Variants in SIDT2 observed in about 807,000 individuals in gnomAD.
The protein encoded by SIDT2 is SID1 transmembrane family, member 2.
In SIDT2, 68 loss-of-function variants were observed where a neutral mutation model predicts 114.4. The observed-to-expected ratio is 0.59, with a 90% CI of 0.49 to 0.73. SIDT2 has a LOEUF of 0.73. Ranked by LOEUF, SIDT2 falls within the 30% of genes least tolerant of loss-of-function variation. SIDT2 has a pLI of 0.00. For missense variants in SIDT2, 918 were observed against 1,097.1 expected, an observed-to-expected ratio of 0.84 and a Z score of 2.31; for synonymous variants, 470 against 438.4, an observed-to-expected ratio of 1.07 and a Z score of -0.90.
rs764626768 is a variant in SIDT2, at chr11:117,192,605, G to T, written c.2013G>T (p.Val671=). Residue 671 remains valine (V), a synonymous_variant, in exon 21 of 26, where the codon GTG becomes GTT. Coordinates refer to ENST00000324225, the MANE Select transcript of SIDT2 (RefSeq NM_001040455.2). This position sits in a 1 kb window ranked among gnomAD's most constrained non-coding sequence, Gnocchi z 5.9. ...DSGIFRRILH[V]LYTDCIRQCS... ...GGATCTTCCGCCGCATCCTCCACGT[G>T]CTCTACACAGACTGCATCCGGCAGT... 3 of 1,611,292 alleles carry T rather than the reference G, an allele frequency of 1.9e-6. No homozygotes were observed. The highest frequency in any genetic ancestry group is 1.7e-6 in the Non-Finnish European group (2 of 1,180,024).
chr11:117,179,477 G>T lies in SIDT2; in HGVS notation c.183+31G>T, dbSNP rs748915122. On this transcript the variant is annotated intron_variant, in intron 1 of 25. Coordinates refer to ENST00000324225, the MANE Select transcript of SIDT2 (RefSeq NM_001040455.2). ...GGCTGGGGGCTTAGGGGCCAGAGGC[G>T]AGTGGGGAAGCCGACGAGGGCTAGG... The T allele has an allele frequency of 3.1e-6, 5 of 1,593,364 alleles. No individual in the cohort carries two copies. The Admixed American group carries it at 5.2e-5, about 16-fold the overall frequency.
chr11:117,181,688 T>C (rs2030291936), intron 2 of SIDT2, 119 bp from the exon 3 acceptor site: 1 of 1,572,322 alleles, frequency 6.4e-7, no homozygotes, highest in African/African-American at 1.3e-5. Context: ...AGCCGGGAGC[T>C]TGTGCACCTC....
chr11:117,191,785 G>C lies in SIDT2; in HGVS notation c.1736-93G>C. 3.9e-6 allele frequency: 6 copies of C among 1,533,242 alleles called. No homozygotes were observed. The South Asian group carries it at 7.5e-5, about 19-fold the overall frequency. The allele number at this position is 1,533,242 out of a possible 1,614,324, so 95.0% of individuals were successfully genotyped here. On this transcript the variant is annotated intron_variant, in intron 18 of 25. Transcript: ENST00000324225. The stretch of plus-strand genomic sequence containing the variant: ...ACCATGGCCGTGGTGGGGCACCAGG[G>C]CTCTCTCTTCCTCTGGGATTGTTGG...
intron 15 of SIDT2, 79 bp from the exon 16 acceptor site, chr11:117,189,873 C>G: frequency 6.9e-7 from 1 of 1,456,844 alleles, no homozygotes; most frequent in Non-Finnish European, 9.6e-7. Context: ...TGTTTTTTGC[C>G]AAAGGGGCCC....
rs1233161298 is a variant in SIDT2 at position 117,186,140 on chromosome 11, C to T, written c.879C>T (p.Tyr293=). 7.4e-6 allele frequency: 12 copies of T among 1,613,820 alleles called. No homozygotes were observed. The highest frequency in any genetic ancestry group is 2.7e-5 in the African/African-American group (2 of 74,872). ...GTTTCCTCCTTGAAGCTGAGGCATA[C>T]GTCAGTGGGATGCTCTTTTGCCTGG... ...LVSQAVTSEA[Y]VSGMLFCLGI... The change falls in exon 9 of 26, where the codon TAC becomes TAT. Residue 293 remains tyrosine (Y), a synonymous_variant. Coordinates refer to ENST00000324225, the MANE Select transcript of SIDT2 (RefSeq NM_001040455.2).
chr11:117,186,109 C>T (rs1219331058), intron 8 of SIDT2, 21 bp from the exon 9 acceptor site: 5 of 1,611,010 alleles, frequency 3.1e-6, no homozygotes, highest in East Asian at 2.2e-5. Context: ...ACCTGTCCAC[C>T]TTCCTGTTTC....
intron 23 of SIDT2, 89 bp downstream of exon 23, chr11:117,193,347 G>A: frequency 1.7e-6 from 2 of 1,151,610 alleles, no homozygotes; most frequent in South Asian, 1.4e-5. Flanking sequence ...GCAGTGAGAA[G>A]TTTTCTGTCC....
Position 117,182,082 on chromosome 11 carries a change from A to G in SIDT2, c.493A>G (p.Asn165Asp). 6.2e-7 allele frequency: 1 copy of G among 1,614,068 alleles called. No homozygotes were observed. The highest frequency in any genetic ancestry group is 1.3e-5 in the African/African-American group (1 of 75,032). ...VLRTGEQFSF[N>D]TTAAQPQYFK... ...CAGGACTGGGGAGCAGTTCAGCTTCAATACCACAGCAGCACAGCCCCAGGT... is the reference window on the plus strand; with the variant it reads ...CAGGACTGGGGAGCAGTTCAGCTTCGATACCACAGCAGCACAGCCCCAGGT... The change falls in exon 4 of 26, where the codon AAT becomes GAT. Residue 165 changes from asparagine to aspartate, a missense_variant. Transcript: ENST00000324225.
rs2030161311 is a variant in SIDT2 at position 117,179,232 on chromosome 11, A to ACCG, written c.-30_-29insGCC. The ACCG allele has an allele frequency of 6.3e-7, 1 of 1,595,614 alleles. No individual in the cohort carries two copies. The highest frequency in any genetic ancestry group is 1.4e-5 in the African/African-American group (1 of 73,822). Reference sequence around the variant, plus strand: ...GTCTCCTGTCGCCGCCGCCGCCGCCACCACCGCTGCCACTGCCGCCCTGCC... The same window carrying ACCG: ...GTCTCCTGTCGCCGCCGCCGCCGCCACCGCCACCGCTGCCACTGCCGCCCTGCC... On this transcript the variant is annotated 5_prime_UTR_variant, in exon 1 of 26. Coordinates refer to ENST00000324225, the MANE Select transcript of SIDT2 (RefSeq NM_001040455.2).
In SIDT2 at chr11:117,192,319, G is replaced by T; in HGVS notation, c.1938G>T (p.Leu646=). ...CCATCATTCACATCATCGCCACCCT[G>T]CTCCTCAGCACGCAGCTCTATTACA... ...VFSIIHIIAT[L]LLSTQLYYMG... Residue 646 remains leucine, a synonymous_variant, in exon 20 of 26, where the codon CTG becomes CTT. Coordinates refer to ENST00000324225, the MANE Select transcript of SIDT2 (RefSeq NM_001040455.2). This position sits in a 1 kb window ranked among gnomAD's most constrained non-coding sequence, Gnocchi z 5.9. 6.2e-7 allele frequency: 1 copy of T among 1,612,132 alleles called. No homozygotes were observed. The highest frequency in any genetic ancestry group is 8.5e-7 in the Non-Finnish European group (1 of 1,178,370).
chr11:117,194,590 G>C (rs973418540), intron 24 of SIDT2, among the ~76,000 whole-genome samples: 4 of 152,178 alleles, frequency 2.6e-5, no homozygotes, highest in African/African-American at 9.7e-5. Context: ...AGTCTGACAT[G>C]GTCTCTGAGG....
At chr11:117,189,795 A>G in intron 15 of SIDT2, 157 bp from the exon 16 acceptor site, 2 of 675,532 alleles carry the variant, frequency 3.0e-6, no homozygotes, top group East Asian at 2.7e-5. Context: ...CATGGCATCC[A>G]TGTTCTCAGA....
rs1279082091 is a variant in SIDT2, at chr11:117,192,394, A to C, written c.1981+32A>C. On this transcript the variant is annotated intron_variant, in intron 20 of 25. Transcript: ENST00000324225. The surrounding 1 kb of genome is among the most constrained non-coding windows in gnomAD (Gnocchi z 5.9). ...GCACGCCCGGGGCAGGGCCTGGGGG[A>C]GGGGTCTGGGGGGCCTTGGGAACCC... is the stretch of plus-strand genomic sequence containing the variant. 1 of 1,470,154 alleles carries C rather than the reference A, an allele frequency of 6.8e-7. No homozygotes were observed. Among genetic ancestry groups the C allele is most frequent in the Admixed American group, 1.7e-5 (1 of 59,742 alleles). The allele number at this position is 1,470,154 out of a possible 1,614,324, so 91.1% of individuals were successfully genotyped here. A position where few individuals can be genotyped will look rare whatever the true frequency, so the allele number is the denominator to read the frequency against.
rs2030162206 is a variant in SIDT2, at chr11:117,179,244, A to ACTGCCGCC, written c.-13_-6dup. On this transcript the variant is annotated 5_prime_UTR_variant, in exon 1 of 26. Transcript: ENST00000324225. The stretch of plus-strand genomic sequence containing the variant: ...CGCCGCCGCCGCCACCACCGCTGCC[A>ACTGCCGCC]CTGCCGCCCTGCCGGGGCCATGTTC... 6.2e-7 allele frequency: 1 copy of ACTGCCGCC among 1,601,616 alleles called. No homozygotes were observed. The highest frequency in any genetic ancestry group is 8.5e-7 in the Non-Finnish European group (1 of 1,174,722).
rs2030125284 is a variant in SIDT2, at chr11:117,178,759, GA to G, written c.-504del. ...TCACTTTTCAGTGTTCGTGCGTCGG[GA>G]CGGCGCGTCCGCCCGCCCTTAAAGG... On this transcript the variant is annotated 5_prime_UTR_variant, in exon 1 of 26. Transcript: ENST00000324225. 1 of 156,626 alleles carries G rather than the reference GA, an allele frequency of 6.4e-6. No homozygotes were observed. The highest frequency in any genetic ancestry group is 1.4e-5 in the Non-Finnish European group (1 of 70,612). The allele number at this position is 156,626 out of a possible 1,614,324, so 9.7% of individuals were successfully genotyped here. A position where few individuals can be genotyped will look rare whatever the true frequency, so the allele number is the denominator to read the frequency against.
chr11:117,187,988 A>G (rs559722572), intron 12 of SIDT2: 4 of 629,364 alleles, frequency 6.4e-6, no homozygotes, highest in Non-Finnish European at 1.2e-5. Context: ...CTGTTTTGCC[A>G]ATCAGTGCCT....
At position 117,188,505 on chromosome 11, in the gene SIDT2, A is replaced by C. The variant is rs1412669436; in HGVS notation, c.1160-203A>C. The C allele has an allele frequency of 3.4e-6, 2 of 595,098 alleles. No individual in the cohort carries two copies. Among genetic ancestry groups the C allele is most frequent in the Non-Finnish European group, 6.0e-6 (2 of 331,494 alleles). 36.9% of individuals were successfully genotyped at this position (595,098 alleles called of 1,614,324 possible). ...GCCCCTGTGTGGTGGCCTCTTCTAG[A>C]GTCTACCATCATCCCCCAGGACTTA... On this transcript the variant is annotated intron_variant, in intron 12 of 25. Coordinates refer to ENST00000324225, the MANE Select transcript of SIDT2 (RefSeq NM_001040455.2). The surrounding 1 kb of genome is among the most constrained non-coding windows in gnomAD (Gnocchi z 4.0).
chr11:117,181,673 C>T (rs955218401), intron 2 of SIDT2, 134 bp from the exon 3 acceptor site: 18 of 1,566,982 alleles, frequency 1.1e-5, no homozygotes, highest in Non-Finnish European at 1.6e-5. Context: ...GGGCCGAGTC[C>T]CACCAGCCGG....
At chr11:117,186,047 G>A in intron 8 of SIDT2, 83 bp from the exon 9 acceptor site, 1 of 1,117,234 alleles carries the variant, frequency 9.0e-7, no homozygotes, top group Non-Finnish European at 1.4e-6. Flanking sequence ...GCTGGGTGGA[G>A]GAGGACATGA....
Sources: allele counts gnomAD v4.1 joint callset (sites outside exome capture counted in the v4.1 genomes callset), GRCh38; gene constraint gnomAD v4.1.1; non-coding constraint Gnocchi (gnomAD v3.1); transcripts MANE v1.5; gene names NCBI Gene and HGNC (gene_info 2026-07-23, HGNC 2026-07-21).